The following SLC26A8 variants were observed in gnomAD, a reference collection of about 807,000 sequenced individuals.
SLC26A8 encodes testis anion transporter 1.
Under a neutral mutation model 105.0 loss-of-function variants are expected in SLC26A8, and 70 were observed. The observed-to-expected ratio is 0.67, with a 90% CI of 0.55 to 0.81. SLC26A8 has a LOEUF of 0.81. Among genes scored for constraint, SLC26A8 ranks in the 40% least tolerant of loss-of-function variants. The pLI is 0.00. For missense variants in SLC26A8, 998 were observed against 1,181.8 expected, an observed-to-expected ratio of 0.84 and a Z score of 2.28; for synonymous variants, 415 against 438.3, an observed-to-expected ratio of 0.95 and a Z score of 0.66.
intron 10 of SLC26A8, among the ~76,000 whole-genome samples, chr6:35,972,879 T>C (rs1413454849): frequency 3.3e-5 from 5 of 152,234 alleles, no homozygotes; most frequent in African/African-American, 1.2e-4. Context: ...TGAGTGCATT[T>C]GGCACAGCCA....
chr6:36,024,146 C>T (rs971006898), intron 1 of SLC26A8, among the ~76,000 whole-genome samples: 2 of 152,092 alleles, frequency 1.3e-5, no homozygotes, highest in Non-Finnish European at 2.9e-5. Flanking sequence ...GGAAGAGGAA[C>T]GGCCGGGCAG....
chr6:36,015,179 C>G (rs1053692352), intron 2 of SLC26A8, among the ~76,000 whole-genome samples: 1 of 150,856 alleles, frequency 6.6e-6, no homozygotes, highest in East Asian at 2.0e-4. Flanking sequence ...GCAATCCCAG[C>G]TCACTGCAAC....
intron 1 of SLC26A8, among the ~76,000 whole-genome samples, chr6:36,021,486 A>G (rs1262535926): frequency 6.6e-6 from 1 of 152,182 alleles, no homozygotes. Context: ...CCTGGGTCAC[A>G]TCGAGAGTCT....
intron 8 of SLC26A8, 91 bp from the exon 9 acceptor site, chr6:35,977,442 C>CTTT (rs77593688): frequency 1.0e-4 from 93 of 899,658 alleles, no homozygotes; most frequent in South Asian, 1.9e-4. Flanking sequence ...TGTCCTGATT[C>CTTT]TTTTTTTTTT....
intron 2 of SLC26A8, among the ~76,000 whole-genome samples, chr6:36,015,718 T>C (rs1185539439): frequency 6.6e-6 from 1 of 152,100 alleles, no homozygotes; most frequent in Non-Finnish European, 1.5e-5. Context: ...CGATCCATCA[T>C]GGAGCAGAGG....
chr6:35,951,549 A>G (rs1176649799), intron 17 of SLC26A8, 50 bp from the exon 18 acceptor site: 2 of 1,593,054 alleles, frequency 1.3e-6, no homozygotes, highest in Admixed American at 1.7e-5. Context: ...CTTGCTAGGA[A>G]AGGCCTTCTA....
intron 3 of SLC26A8, among the ~76,000 whole-genome samples, chr6:36,004,682 C>CAG (rs10651046): frequency 0.71 from 107,241 of 151,308 alleles, 38,426 homozygotes; most frequent in Middle Eastern, 0.78. Context: ...TTGTGTGTGA[C>CAG]TGTCTTGCTC....
chr6:36,019,561 C>T lies in SLC26A8; in HGVS notation c.147G>A (p.Met49Ile). The T allele has an allele frequency of 3.7e-6, 6 of 1,614,032 alleles. No individual in the cohort carries two copies. Among genetic ancestry groups the T allele is most frequent in the Non-Finnish European group, 5.1e-6 (6 of 1,179,996 alleles). ...GTCTGAAGGTGGTGATGTTGATGTT[C>T]ATGTTCCCAGAAGAGGAGGCCTTCC... Reference protein sequence around the residue: ...HKRKASSSGNMNINITTFRHH... With the variant: ...HKRKASSSGNININITTFRHH... The change falls in exon 2 of 20, where the codon ATG (methionine) becomes ATA (isoleucine). Residue 49 changes from methionine to isoleucine, a missense_variant. Transcript: ENST00000490799.
At chr6:35,991,296 C>T (rs753084000) in intron 7 of SLC26A8, among the ~76,000 whole-genome samples, 2 of 150,766 alleles carry the variant, frequency 1.3e-5, no homozygotes, top group Admixed American at 6.7e-5. Flanking sequence ...TCCAGCTACT[C>T]AGGAGGCTGA....
intron 7 of SLC26A8, among the ~76,000 whole-genome samples, chr6:35,987,911 CTTTTTTTT>C (rs34557500): frequency 7.6e-6 from 1 of 132,068 alleles, no homozygotes; most frequent in Non-Finnish European, 1.6e-5. Flanking sequence ...ACCTTTCTTT[CTTTTTTTT>C]TTTTTTTTTT....
intron 11 of SLC26A8, among the ~76,000 whole-genome samples, chr6:35,968,452 T>C (rs992843129): frequency 6.6e-6 from 1 of 150,654 alleles, no homozygotes; most frequent in Non-Finnish European, 1.5e-5. Context: ...TTATACGGTG[T>C]ATAACTGTAT....
chr6:35,986,681 T>C (rs749347378), intron 7 of SLC26A8, among the ~76,000 whole-genome samples: 14 of 152,316 alleles, frequency 9.2e-5, no homozygotes, highest in Admixed American at 1.3e-4. Flanking sequence ...AAGATTTCCT[T>C]CTTTTTATTT....
At chr6:35,972,006 G>A (rs1325699443) in intron 10 of SLC26A8, among the ~76,000 whole-genome samples, 2 of 152,202 alleles carry the variant, frequency 1.3e-5, no homozygotes, top group Non-Finnish European at 2.9e-5. Flanking sequence ...GGTCAGGCCT[G>A]CCAATGCCTC....
At position 35,962,686 on chromosome 6, in the gene SLC26A8, C is replaced by T. The variant is rs1055782041; in HGVS notation, c.1366-65G>A. On this transcript the variant is annotated intron_variant, in intron 11 of 19. Transcript: ENST00000490799. ...GGGTGTAAAACTCACAAATCCCCAC[C>T]AAGGAATCACAAAAAGTTAGCCTTG... is the stretch of plus-strand genomic sequence containing the variant. The T allele has an allele frequency of 1.4e-4, 212 of 1,476,592 alleles. 2 individuals carry two copies. The South Asian group carries it at 2.4e-3, about 17-fold the overall frequency. 91.5% of individuals were successfully genotyped at this position (1,476,592 alleles called of 1,614,324 possible).
At chr6:35,983,883 A>G (rs1773381931) in intron 7 of SLC26A8, among the ~76,000 whole-genome samples, 1 of 152,114 alleles carries the variant, frequency 6.6e-6, no homozygotes. Context: ...ACAGATTGAT[A>G]GATGTGTGCA....
chr6:35,968,943 C>T lies in SLC26A8; in HGVS notation c.1299G>A (p.Leu433=), dbSNP rs1294521528. 2 of 1,611,968 alleles carry T rather than the reference C, an allele frequency of 1.2e-6. No homozygotes were observed. The highest frequency in any genetic ancestry group is 1.3e-5 in the African/African-American group (1 of 74,596). Residue 433 remains leucine (L), a synonymous_variant, in exon 11 of 20, where the codon CTG becomes CTA. Transcript: ENST00000490799. The part of the protein sequence containing the change: ...KSGGRQQFAS[L]VGAGVMLLLM... ...GGAGCAGCATCACACCTGCGCCTAC[C>T]AGAGATGCAAACTGAGGAGACAGAG...
Position 36,012,213 on chromosome 6 carries a change from A to G in SLC26A8, c.328+20T>C. On this transcript the variant is annotated intron_variant, in intron 3 of 19. Coordinates refer to ENST00000490799, the MANE Select transcript of SLC26A8 (RefSeq NM_052961.4). ...TCTGATACATTGTCTTTGGATGAAC[A>G]GGCTTCATATCTTCCTTACCTTGGG... The G allele has an allele frequency of 1.2e-6, 2 of 1,608,262 alleles. No individual in the cohort carries two copies. The highest frequency in any genetic ancestry group is 2.7e-5 in the African/African-American group (2 of 74,668).
intron 10 of SLC26A8, chr6:35,969,260 G>T: frequency 6.7e-6 from 2 of 297,470 alleles, no homozygotes; most frequent in South Asian, 7.2e-5. Context: ...CCTAAAATCT[G>T]ATTTGCATCT....
At chr6:35,967,343 T>A (rs1477913020) in intron 11 of SLC26A8, among the ~76,000 whole-genome samples, 2 of 152,104 alleles carry the variant, frequency 1.3e-5, no homozygotes, top group African/African-American at 2.4e-5. Flanking sequence ...AGCTGCTACA[T>A]CCACAAATAA....
Sources: gnomAD v4.1 joint callset for allele counts (sites outside exome capture counted in the v4.1 genomes callset) on GRCh38, gnomAD v4.1.1 for gene constraint, MANE v1.5 for transcripts, NCBI Gene and HGNC (gene_info 2026-07-23, HGNC 2026-07-21) for gene names.